The following WDR35 variants were observed in gnomAD, a reference collection of about 807,000 sequenced individuals.
The protein encoded by WDR35 is WD repeat-containing protein 35.
A neutral mutation model predicts 158.3 loss-of-function variants in WDR35; 118 were observed. The ratio of observed to expected loss-of-function variants is 0.75; its 90% confidence interval spans 0.64 to 0.87. The LOEUF (loss-of-function observed/expected upper bound fraction) is 0.87, where lower values mean the gene tolerates loss of function less well. Among genes scored for constraint, WDR35 ranks in the 40% least tolerant of loss-of-function variants. The pLI, the probability that WDR35 is intolerant of heterozygous loss-of-function variation, is 0.00. For missense variants in WDR35, 1,263 were observed against 1,405.8 expected (o/e 0.90, Z 1.62); for synonymous variants, 448 against 476.1 (o/e 0.94, Z 0.77).
At chr2:19,914,389 G>A (rs1572302145) in intron 25 of WDR35, 112 bp from the exon 26 acceptor site, 2 of 1,391,478 alleles carry the variant, frequency 1.4e-6, no homozygotes, top group Non-Finnish European at 2.0e-6. Flanking sequence ...TGAACGAACT[G>A]AAAGCAAACA....
chr2:19,958,906 T>G (rs1028101295), intron 11 of WDR35, among the ~76,000 whole-genome samples: 4 of 152,336 alleles, frequency 2.6e-5, no homozygotes, highest in African/African-American at 9.6e-5. Flanking sequence ...AAGTTCATTT[T>G]AAAGTTTCTA....
intron 17 of WDR35, 131 bp downstream of exon 17, chr2:19,941,628 A>C: frequency 1.6e-6 from 1 of 632,296 alleles, no homozygotes; most frequent in Non-Finnish European, 2.8e-6. Flanking sequence ...GCTGAACAAT[A>C]AGAGAGCAGG....
intron 25 of WDR35, among the ~76,000 whole-genome samples, chr2:19,916,410 G>C (rs1443738252): frequency 6.6e-6 from 1 of 152,182 alleles, no homozygotes; most frequent in African/African-American, 2.4e-5. Context: ...CCCTGGAAAG[G>C]GGGCTGAAGC....
chr2:19,966,415 C>G (rs1033166468), intron 10 of WDR35, among the ~76,000 whole-genome samples: 2 of 152,122 alleles, frequency 1.3e-5, no homozygotes, highest in Non-Finnish European at 2.9e-5. Context: ...TCTGGATGTT[C>G]ATTTTTGCTC....
At position 19,936,322 on chromosome 2, in the gene WDR35, T is replaced by G; in HGVS notation, c.2311A>C (p.Arg771=). The part of the protein sequence containing the change: ...GLRLKLGDWF[R]VLQLLKTGSG... The stretch of plus-strand genomic sequence containing the variant: ...CCAGTTTTCAGGAGCTGGAGTACTC[T>G]AAACCAATCCCCCAATTTCAGCCGG... The change falls in exon 20 of 27, where the codon AGA becomes CGA. Residue 771 remains arginine (R), a synonymous_variant. Coordinates refer to ENST00000281405, the MANE Select transcript of WDR35 (RefSeq NM_020779.4). 1 of 1,614,040 alleles carries G rather than the reference T, an allele frequency of 6.2e-7. No homozygotes were observed. Among genetic ancestry groups the G allele is most frequent in the Non-Finnish European group, 8.5e-7 (1 of 1,179,934 alleles).
chr2:19,975,606 G>C lies in WDR35; in HGVS notation c.494C>G (p.Ser165Cys). 6.2e-7 allele frequency: 1 copy of C among 1,614,068 alleles called. No homozygotes were observed. Residue 165 changes from serine to cysteine, a missense_variant, in exon 6 of 27, where the codon TCT becomes TGT. By Grantham distance (112) the Ser-to-Cys change is moderately radical. Coordinates refer to ENST00000281405, the MANE Select transcript of WDR35 (RefSeq NM_020779.4). ...AAAAAGTAAGACTTTACTGTCCGCAGACCATGTTACATGGGATAGCTGTAT... is the reference window on the plus strand; with the variant it reads ...AAAAAGTAAGACTTTACTGTCCGCACACCATGTTACATGGGATAGCTGTAT... ...KGIQLSHVTW[S>C]ADSKVLLFGM...
chr2:19,923,745 T>G (rs1670260097), intron 25 of WDR35, among the ~76,000 whole-genome samples: 1 of 152,222 alleles, frequency 6.6e-6, no homozygotes, highest in Admixed American at 6.5e-5. Flanking sequence ...ATTTACAGGC[T>G]TGACAGTTCC....
At chr2:19,938,760 T>C (rs1670779413) in intron 17 of WDR35, among the ~76,000 whole-genome samples, 1 of 152,176 alleles carries the variant, frequency 6.6e-6, no homozygotes, top group African/African-American at 2.4e-5. Context: ...GCTGTACTAT[T>C]TACGGTATTC....
intron 7 of WDR35, 144 bp downstream of exon 7, chr2:19,974,324 G>T: frequency 1.3e-6 from 1 of 769,678 alleles, no homozygotes; most frequent in Non-Finnish European, 2.0e-6. Flanking sequence ...CAGGAAATTC[G>T]CTTGAACCCG....
chr2:19,933,842 C>T (rs889608437), intron 21 of WDR35, among the ~76,000 whole-genome samples: 1 of 152,140 alleles, frequency 6.6e-6, no homozygotes, highest in Non-Finnish European at 1.5e-5. Context: ...TGAAAAAAGC[C>T]TTTATATCAA....
intron 21 of WDR35, among the ~76,000 whole-genome samples, chr2:19,933,764 T>C (rs1044492202): frequency 2.6e-5 from 4 of 152,144 alleles, no homozygotes; most frequent in African/African-American, 9.7e-5. Context: ...CTGCACTCCT[T>C]TCTTATCTCA....
chr2:19,945,908 C>T lies in WDR35; in HGVS notation c.1723G>A (p.Gly575Arg). 6.2e-7 allele frequency: 1 copy of T among 1,613,996 alleles called. No homozygotes were observed. Among genetic ancestry groups the T allele is most frequent in the South Asian group, 1.1e-5 (1 of 91,074 alleles). Residue 575 changes from glycine (G) to arginine (R), a missense_variant, in exon 16 of 27, where the codon GGA becomes AGA. Physicochemically the swap from Gly to Arg is moderately radical, Grantham distance 125. Transcript: ENST00000281405. ...CTTCGTTCCAATTTTAACAACTCTC[C>T]AACTACTTGCTGTCCCGTACTGTCC... ...VTDSTGQQVVGELLKLERRDV... is the reference protein window; with the variant it reads ...VTDSTGQQVVRELLKLERRDV...
At chr2:19,978,220 AGAGC>A (rs990844849) in intron 5 of WDR35, among the ~76,000 whole-genome samples, 33 of 151,738 alleles carry the variant, frequency 2.2e-4, no homozygotes, top group Non-Finnish European at 1.9e-4. Flanking sequence ...ACACACACAC[AGAGC>A]GAGCGAGAGA....
chr2:19,937,595 G>T (rs1670737655), intron 19 of WDR35, 148 bp downstream of exon 19: 2 of 1,041,592 alleles, frequency 1.9e-6, no homozygotes, highest in Non-Finnish European at 2.8e-6. Context: ...TGAGAGGCAT[G>T]TAGAATATCT....
At chr2:19,927,351 A>G (rs955861622) in intron 25 of WDR35, among the ~76,000 whole-genome samples, 3 of 152,242 alleles carry the variant, frequency 2.0e-5, no homozygotes, top group African/African-American at 7.2e-5. Context: ...GTTTAGGAAG[A>G]TTGCATTGCA....
chr2:19,962,206 T>G, intron 10 of WDR35: 3 of 1,396,748 alleles, frequency 2.1e-6, no homozygotes, highest in Non-Finnish European at 3.0e-6. Context: ...TGAAGTCCCC[T>G]CATATTGCTA....
At position 19,913,703 on chromosome 2, in the gene WDR35, T is replaced by C. The variant is rs1198875696; in HGVS notation, c.3368A>G (p.Glu1123Gly). The C allele has an allele frequency of 6.2e-7, 1 of 1,614,026 alleles. No individual in the cohort carries two copies. The highest frequency in any genetic ancestry group is 1.3e-5 in the African/African-American group (1 of 75,034). ...PELDSLMEGG[E>G]GKLPTCVATG... The stretch of plus-strand genomic sequence containing the variant: ...GGCAACGCATGTTGGCAGTTTCCCT[T>C]CTCCACTGTAAAACGGGGAGAAACA... The change falls in exon 27 of 27, where the codon GAA becomes GGA. Residue 1123 changes from glutamate (E) to glycine (G), a missense_variant. Transcript: ENST00000281405.
At chr2:19,987,846 A>AC (rs1672619067) in intron 2 of WDR35, among the ~76,000 whole-genome samples, 1 of 150,706 alleles carries the variant, frequency 6.6e-6, no homozygotes, top group African/African-American at 2.4e-5. Context: ...AAAAAAAAAA[A>AC]CTTGCCAAAT....
intron 16 of WDR35, among the ~76,000 whole-genome samples, chr2:19,944,534 A>G (rs946547527): frequency 2.6e-5 from 4 of 152,190 alleles, no homozygotes; most frequent in African/African-American, 9.7e-5. Flanking sequence ...CCTCAAGGTT[A>G]TCCTGTGGAT....
Sources: gnomAD v4.1 joint callset for allele counts (sites outside exome capture counted in the v4.1 genomes callset) on GRCh38, gnomAD v4.1.1 for gene constraint, MANE v1.5 for transcripts, NCBI Gene and HGNC (gene_info 2026-07-23, HGNC 2026-07-21) for gene names.